The following ZBTB20 variants were observed in gnomAD, a reference collection of about 807,000 sequenced individuals.
ZBTB20 encodes the protein zinc finger and BTB domain containing 20.
ZBTB20 carries 9 observed loss-of-function variants against 56.9 expected under a neutral mutation model. The observed-to-expected ratio is 0.16, with a 90% CI of 0.10 to 0.28. The LOEUF (loss-of-function observed/expected upper bound fraction) is 0.28, where lower values mean the gene tolerates loss of function less well. Among genes scored for constraint, ZBTB20 ranks in the 10% least tolerant of loss-of-function variants. ZBTB20 has a pLI of 1.00. For synonymous variants in ZBTB20, 417 were observed against 420.7 expected (o/e 0.99, Z 0.11); for missense variants, 655 against 1,003.0 (o/e 0.65, Z 4.69).
At chr3:114,926,475 T>C (rs887499004) in intron 3 of ZBTB20, among the ~76,000 whole-genome samples, 5 of 152,136 alleles carry the variant, frequency 3.3e-5, no homozygotes, top group African/African-American at 1.2e-4. Context: ...TCTTGTATTA[T>C]TACTAATCCT....
At chr3:114,919,831 C>G (rs1402493196) in intron 3 of ZBTB20, among the ~76,000 whole-genome samples, 1 of 152,046 alleles carries the variant, frequency 6.6e-6, no homozygotes, top group African/African-American at 2.4e-5. Context: ...CAAAGAGTGG[C>G]TCAACAGAAA....
intron 4 of ZBTB20, among the ~76,000 whole-genome samples, chr3:114,878,863 C>G (rs1329642200): frequency 6.6e-6 from 1 of 152,110 alleles, no homozygotes; most frequent in African/African-American, 2.4e-5. Flanking sequence ...AATGCCATGT[C>G]TAAAATAACA....
At chr3:114,677,844 C>T (rs573247047) in intron 6 of ZBTB20, among the ~76,000 whole-genome samples, 1 of 152,262 alleles carries the variant, frequency 6.6e-6, no homozygotes, top group South Asian at 2.1e-4. Flanking sequence ...CTTCCTCTCC[C>T]CTTCCTCTCT....
chr3:115,143,460 GAGTTAA>G lies in ZBTB20; in HGVS notation c.-703+3753_-703+3758del, dbSNP rs1421422711. On this transcript the variant is annotated intron_variant, in intron 1 of 11. Transcript: ENST00000675478. The stretch of plus-strand genomic sequence containing the variant: ...AGGAGGGCGGATCACTTGAGCCCAG[GAGTTAA>G]AGTACAGCCTGGGCAATAAAAGGAG... 3.9e-5 allele frequency among the ~76,000 whole-genome samples: 6 copies of G among 152,184 alleles called. No homozygotes were observed. The East Asian group carries it at 1.2e-3, about 29-fold the overall frequency.
chr3:114,672,880 G>A (rs892840615), intron 6 of ZBTB20, among the ~76,000 whole-genome samples: 4 of 152,032 alleles, frequency 2.6e-5, no homozygotes, highest in African/African-American at 9.7e-5. Context: ...TAAACATCAC[G>A]TGACTCAAAA....
At chr3:114,849,347 C>A (rs953053868) in intron 4 of ZBTB20, among the ~76,000 whole-genome samples, 2 of 152,150 alleles carry the variant, frequency 1.3e-5, no homozygotes, top group Non-Finnish European at 2.9e-5. Context: ...CTATTCTATA[C>A]AACTGTTTTT....
intron 1 of ZBTB20, among the ~76,000 whole-genome samples, chr3:115,130,119 T>C (rs565014521): frequency 2.0e-5 from 3 of 152,312 alleles, no homozygotes; most frequent in African/African-American, 7.2e-5. Flanking sequence ...CTGAGGAAAA[T>C]ATCTCTATTT....
chr3:115,000,831 A>T (rs1560479195), intron 2 of ZBTB20, among the ~76,000 whole-genome samples: 4 of 151,548 alleles, frequency 2.6e-5, no homozygotes, highest in Non-Finnish European at 5.9e-5. Context: ...TGTGGCCCCC[A>T]CTACTAGGTC....
chr3:114,806,035 GT>G (rs2072078772), intron 4 of ZBTB20, among the ~76,000 whole-genome samples: 1 of 151,744 alleles, frequency 6.6e-6, no homozygotes, highest in Admixed American at 6.6e-5. Context: ...GTTTTTTACT[GT>G]TACGAATAAT....
chr3:114,776,166 C>G (rs2069593869), intron 5 of ZBTB20, among the ~76,000 whole-genome samples: 2 of 149,920 alleles, frequency 1.3e-5, no homozygotes, highest in Non-Finnish European at 3.0e-5. Flanking sequence ...GAATGCAGAG[C>G]AGGTACAAAG....
chr3:114,770,953 C>A (rs2069151042), intron 5 of ZBTB20, among the ~76,000 whole-genome samples: 1 of 152,112 alleles, frequency 6.6e-6, no homozygotes, highest in Non-Finnish European at 1.5e-5. Flanking sequence ...TGGAGCATTT[C>A]AGATTTCAGA....
intron 6 of ZBTB20, among the ~76,000 whole-genome samples, chr3:114,659,183 G>A (rs534480932): frequency 6.6e-6 from 1 of 152,156 alleles, no homozygotes; most frequent in Non-Finnish European, 1.5e-5. Context: ...AGGGTCAAAT[G>A]GAGCCCTGTG....
intron 10 of ZBTB20, among the ~76,000 whole-genome samples, chr3:114,372,711 G>A (rs2083173446): frequency 6.6e-6 from 1 of 151,868 alleles, no homozygotes; most frequent in South Asian, 2.1e-4. Context: ...TGGCTGTGGT[G>A]GCACAAGTCT....
chr3:114,478,918 A>G (rs759630971), intron 7 of ZBTB20, among the ~76,000 whole-genome samples: 22 of 152,170 alleles, frequency 1.4e-4, no homozygotes, highest in Non-Finnish European at 2.2e-4. Flanking sequence ...ACTAAAGGGG[A>G]TGCTGCAATT....
chr3:114,728,270 A>C (rs540318264), intron 5 of ZBTB20, among the ~76,000 whole-genome samples: 1 of 152,334 alleles, frequency 6.6e-6, no homozygotes, highest in Non-Finnish European at 1.5e-5. Context: ...AATTATTCTC[A>C]CAAACGTGTT....
chr3:114,893,768 A>G (rs182806345), intron 4 of ZBTB20, among the ~76,000 whole-genome samples: 329 of 152,240 alleles, frequency 2.2e-3, no homozygotes, highest in African/African-American at 7.1e-3. Flanking sequence ...AGTAGAAAGC[A>G]CAAGTGCTGA....
intron 2 of ZBTB20, among the ~76,000 whole-genome samples, chr3:115,043,619 AATAAAATAAAATAAT>A (rs2081231088): frequency 7.1e-6 from 1 of 139,874 alleles, no homozygotes; most frequent in African/African-American, 2.6e-5. Flanking sequence ...AATAAAATAA[AATAAAATAAAATAAT>A]AAAATAAATA....
intron 7 of ZBTB20, among the ~76,000 whole-genome samples, chr3:114,459,649 T>G (rs983653272): frequency 6.6e-6 from 1 of 152,072 alleles, no homozygotes; most frequent in Non-Finnish European, 1.5e-5. Flanking sequence ...AAATACAAAT[T>G]TTTCTCTCTG....
chr3:114,770,079 A>G (rs1295129119), intron 5 of ZBTB20, among the ~76,000 whole-genome samples: 4 of 151,470 alleles, frequency 2.6e-5, no homozygotes, highest in Non-Finnish European at 4.4e-5. Context: ...GAATGATGCA[A>G]TGGACTTTGG....
Sources: allele counts gnomAD v4.1 joint callset (sites outside exome capture counted in the v4.1 genomes callset), GRCh38; gene constraint gnomAD v4.1.1; transcripts MANE v1.5; gene names NCBI Gene and HGNC (gene_info 2026-07-23, HGNC 2026-07-21).